RYK: variants seen among roughly 807,000 people sequenced by gnomAD.
RYK encodes the protein receptor like tyrosine kinase, also known as inactive tyrosine-protein kinase RYK.
RYK carries 21 observed loss-of-function variants against 70.2 expected under a neutral mutation model. The ratio of observed to expected loss-of-function variants is 0.30; its 90% CI spans 0.21 to 0.43. RYK has a LOEUF of 0.43. Ranked by LOEUF, RYK falls within the 20% of genes least tolerant of loss-of-function variation. RYK has a pLI of 1.00. For synonymous variants in RYK, 267 were observed against 278.0 expected (o/e 0.96, Z 0.39); for missense variants, 604 against 753.3 (o/e 0.80, Z 2.32).
At chr3:134,249,917 GTT>G (rs71624038) in intron 1 of RYK, among the ~76,000 whole-genome samples, 64 of 93,326 alleles carry the variant, frequency 6.9e-4, no homozygotes, top group African/African-American at 2.7e-3. Flanking sequence ...TTTCTCTCTC[GTT>G]TTTTTTTTTT....
chr3:134,170,608 T>G (rs1354321872), intron 13 of RYK: 1 of 155,448 alleles, frequency 6.4e-6, no homozygotes, highest in Non-Finnish European at 1.4e-5. Flanking sequence ...TGCAAAATTG[T>G]CCAAAAGTAC....
intron 6 of RYK, among the ~76,000 whole-genome samples, chr3:134,199,971 G>C (rs564417595): frequency 6.6e-6 from 1 of 150,596 alleles, no homozygotes; most frequent in African/African-American, 2.5e-5. Context: ...GTTTGTAAAC[G>C]CACCAATCAG....
chr3:134,192,585 T>C (rs1374688836), intron 7 of RYK, among the ~76,000 whole-genome samples: 1 of 152,126 alleles, frequency 6.6e-6, no homozygotes, highest in Non-Finnish European at 1.5e-5. Flanking sequence ...TAATTCCCAT[T>C]CATTCTTAAT....
intron 1 of RYK, among the ~76,000 whole-genome samples, chr3:134,224,625 G>C (rs1380313813): frequency 1.3e-5 from 2 of 152,182 alleles, no homozygotes; most frequent in Non-Finnish European, 2.9e-5. Flanking sequence ...TCCCTTTCCT[G>C]GTCTGCTAAG....
At chr3:134,166,699 A>C (rs895492358) in intron 13 of RYK, among the ~76,000 whole-genome samples, 2 of 152,202 alleles carry the variant, frequency 1.3e-5, no homozygotes, top group African/African-American at 2.4e-5. Flanking sequence ...CAGAATAAGG[A>C]CAAGTCTCTT....
rs1390518649 is a variant in RYK at position 134,191,924 on chromosome 3, A to G, written c.940T>C (p.Leu314=). ...TCCTTCACCTTGCCTTTGGCCTCCA[A>G]AAGAGTGACACTTCTCAAGTCGTTC... The part of the protein sequence containing the change: ...EKNDLRSVTL[L]EAKGKVKDIA... Residue 314 remains leucine, a synonymous_variant, in exon 8 of 15, where the codon TTG becomes CTG. Coordinates refer to ENST00000623711, the MANE Select transcript of RYK (RefSeq NM_002958.4). The G allele has an allele frequency of 4.3e-6, 7 of 1,613,570 alleles. No homozygotes were observed. Among genetic ancestry groups the G allele is most frequent in the Middle Eastern group, 1.7e-4 (1 of 6,058 alleles).
chr3:134,246,781 T>C (rs938515311), intron 1 of RYK, among the ~76,000 whole-genome samples: 4 of 152,060 alleles, frequency 2.6e-5, no homozygotes, highest in Non-Finnish European at 5.9e-5. Context: ...GATACATACA[T>C]AGTAGCAAAA....
chr3:134,167,998 C>A lies in RYK; in HGVS notation c.1575+7611G>T, dbSNP rs563192846. Among the ~76,000 whole-genome samples the A allele has an allele frequency of 1.3e-3, 205 of 152,302 alleles. 1 individual carries two copies. Among genetic ancestry groups the A allele is most frequent in the African/African-American group, 4.7e-3 (194 of 41,552 alleles). On this transcript the variant is annotated intron_variant, in intron 13 of 14. Transcript: ENST00000623711. ...TACTTCTCAAAAGAAGACATTTATGCAGCCAAAAGACACATGAAAAAATGC... is the reference window on the plus strand; with the variant it reads ...TACTTCTCAAAAGAAGACATTTATGAAGCCAAAAGACACATGAAAAAATGC...
chr3:134,201,289 T>C (rs946665603), intron 6 of RYK, among the ~76,000 whole-genome samples: 1 of 152,066 alleles, frequency 6.6e-6, no homozygotes, highest in African/African-American at 2.4e-5. Context: ...AAATGGAAAA[T>C]AAAACAGTGG....
At chr3:134,163,752 T>A (rs1453071546) in intron 13 of RYK, among the ~76,000 whole-genome samples, 1 of 152,220 alleles carries the variant, frequency 6.6e-6, no homozygotes, top group East Asian at 1.9e-4. Context: ...TAAATTATCT[T>A]ATCTGACCAC....
chr3:134,250,423 CG>C lies in RYK; in HGVS notation c.231del (p.Ile77MetfsTer10). ...CCCCGGCCTCGGCGGCCCCACTCAC[CG>C]ATCAGCCGGCGCACCTCGTCCTCGC... ...YLSEDEVRRL[I>X]GLDAELYYVR... On this transcript the variant is annotated frameshift_variant and splice_region_variant, in exon 1 of 15. Transcript: ENST00000623711. LOFTEE classifies it high-confidence loss of function. 7.2e-7 allele frequency: 1 copy of C among 1,397,944 alleles called. No individual in the cohort carries two copies. The highest frequency in any genetic ancestry group is 9.3e-7 in the Non-Finnish European group (1 of 1,073,430). 86.6% of individuals were successfully genotyped at this position (1,397,944 alleles called of 1,614,324 possible).
At chr3:134,204,493 C>G in intron 5 of RYK, among the ~76,000 whole-genome samples, 1 of 150,750 alleles carries the variant, frequency 6.6e-6, no homozygotes, top group Admixed American at 6.6e-5. Flanking sequence ...AGCAAGACTC[C>G]GTCTCAAAAA....
chr3:134,210,301 A>AAT (rs1175925317), intron 3 of RYK, among the ~76,000 whole-genome samples: 4 of 152,214 alleles, frequency 2.6e-5, no homozygotes, highest in African/African-American at 9.7e-5. Flanking sequence ...TAAACCTGTA[A>AAT]ATGAATCTGA....
intron 1 of RYK, among the ~76,000 whole-genome samples, chr3:134,245,802 C>T (rs759701971): frequency 9.2e-5 from 14 of 152,038 alleles, no homozygotes; most frequent in Non-Finnish European, 1.5e-5. Context: ...GAACACTGGC[C>T]CCAAACGAGA....
Position 134,197,812 on chromosome 3 carries a change from GAT to G in RYK, c.789-2632_789-2631del, listed in dbSNP as rs1401863478. Among the ~76,000 whole-genome samples the G allele has an allele frequency of 7.9e-5, 12 of 152,334 alleles. No homozygotes were observed. In the East Asian group the frequency reaches 2.1e-3, roughly 27 times the overall value. On this transcript the variant is annotated intron_variant, in intron 6 of 14. Coordinates refer to ENST00000623711, the MANE Select transcript of RYK (RefSeq NM_002958.4). ...AGTATTATCTGCAACCAACATCACT[GAT>G]GACTAAGTGCACAGACACAGTCTCT... is the stretch of plus-strand genomic sequence containing the variant.
intron 13 of RYK, among the ~76,000 whole-genome samples, chr3:134,168,141 G>A (rs1335124273): frequency 6.6e-6 from 1 of 152,198 alleles, no homozygotes; most frequent in Non-Finnish European, 1.5e-5. Context: ...GAGAGGATGT[G>A]GAGAAATAGA....
chr3:134,211,700 A>G, intron 2 of RYK, 93 bp from the exon 3 acceptor site: 1 of 778,818 alleles, frequency 1.3e-6, no homozygotes, highest in Non-Finnish European at 2.2e-6. Context: ...TAATCAATGG[A>G]TGAGCCTTTC....
At chr3:134,185,053 G>A (rs973416536) in intron 9 of RYK, among the ~76,000 whole-genome samples, 2 of 151,106 alleles carry the variant, frequency 1.3e-5, no homozygotes, top group African/African-American at 4.9e-5. Flanking sequence ...GGGATTGCTT[G>A]AGCCCAGGAG....
intron 1 of RYK, among the ~76,000 whole-genome samples, chr3:134,248,207 G>A (rs1454821954): frequency 2.0e-5 from 3 of 152,176 alleles, no homozygotes; most frequent in Non-Finnish European, 2.9e-5. Context: ...TTGCACTAGA[G>A]AAAATACTAC....
Sources: gnomAD v4.1 joint callset for allele counts (sites outside exome capture counted in the v4.1 genomes callset) on GRCh38, gnomAD v4.1.1 for gene constraint, MANE v1.5 for transcripts, NCBI Gene and HGNC (gene_info 2026-07-23, HGNC 2026-07-21) for gene names.